Variants in SENP3 observed in about 807,000 individuals in gnomAD.
SENP3 encodes the protein SUMO specific peptidase 3, also known as sentrin-specific protease 3.
In SENP3, 11 loss-of-function variants were observed where a neutral mutation model predicts 66.2. That is an observed-to-expected ratio of 0.17 (90% CI 0.10 to 0.28). The LOEUF is 0.28. SENP3 is among the 10% of genes least tolerant of loss of function. The pLI is 1.00. For synonymous variants in SENP3, 292 were observed against 277.6 expected, an observed-to-expected ratio of 1.05 and a Z score of -0.52; for missense variants, 548 against 743.7, an observed-to-expected ratio of 0.74 and a Z score of 3.06.
chr17:7,562,942 T>A lies in SENP3; in HGVS notation c.-11-124T>A. The stretch of plus-strand genomic sequence containing the variant: ...AACCGGGAAGATCTTAAGTTAGGAG[T>A]TTTGCGTTTTTTCCTCTTTTCTTTA... On this transcript the variant is annotated intron_variant, in intron 1 of 10. Coordinates refer to ENST00000321337, the MANE Select transcript of SENP3 (RefSeq NM_015670.6). This position sits in a 1 kb window ranked among gnomAD's most constrained non-coding sequence, Gnocchi z 5.0. The A allele has an allele frequency of 7.8e-7, 1 of 1,289,866 alleles. No homozygotes were observed. The highest frequency in any genetic ancestry group is 9.8e-7 in the Non-Finnish European group (1 of 1,017,780). 79.9% of individuals were successfully genotyped at this position (1,289,866 alleles called of 1,614,324 possible). A position where few individuals can be genotyped will look rare whatever the true frequency, so the allele number is the denominator to read the frequency against.
At chr17:7,563,821 G>A (rs765126667) in intron 2 of SENP3, 30 bp downstream of exon 2, 9 of 1,458,278 alleles carry the variant, frequency 6.2e-6, no homozygotes, top group South Asian at 2.5e-5. Flanking sequence ...TGGGGTTGCG[G>A]GGGAGGGGTT....
rs1460286916 is a variant in SENP3 at position 7,570,718 on chromosome 17, A to C, written c.1517A>C (p.Lys506Thr). Residue 506 changes from lysine to threonine, a missense_variant, in exon 9 of 11, where the codon AAA (lysine) becomes ACA (threonine). Transcript: ENST00000321337. The surrounding 1 kb of genome is among the most constrained non-coding windows in gnomAD (Gnocchi z 5.4). The stretch of plus-strand genomic sequence containing the variant: ...TATCTACAGGCAGAGGCGGTAAAGA[A>C]AGACCGACTGGATTTCCACCAGGGC... ...AKYLQAEAVK[K>T]DRLDFHQGWK... 4.3e-6 allele frequency: 7 copies of C among 1,613,042 alleles called. No individual in the cohort carries two copies. The highest frequency in any genetic ancestry group is 5.1e-6 in the Non-Finnish European group (6 of 1,179,516).
rs1264549965 is a variant in SENP3 at position 7,562,889 on chromosome 17, C to T, written c.-11-177C>T. Among the ~76,000 whole-genome samples the T allele has an allele frequency of 6.6e-6, 1 of 152,192 alleles. No homozygotes were observed. Among genetic ancestry groups the T allele is most frequent in the African/African-American group, 2.4e-5 (1 of 41,448 alleles). On this transcript the variant is annotated intron_variant, in intron 1 of 10. Transcript: ENST00000321337. This position sits in a 1 kb window ranked among gnomAD's most constrained non-coding sequence, Gnocchi z 5.0. ...GACTGGGGAGAGATGATGGCACAGA[C>T]CCTGAAGGGCCCCTTGTGGACCGCG...
chr17:7,570,863 G>T lies in SENP3; in HGVS notation c.1564-20G>T. On this transcript the variant is annotated intron_variant, in intron 9 of 10. Coordinates refer to ENST00000321337, the MANE Select transcript of SENP3 (RefSeq NM_015670.6). This position sits in a 1 kb window ranked among gnomAD's most constrained non-coding sequence, Gnocchi z 5.4. ...CTGGGAGTCTCCATGTGAAGGGCCT[G>T]CTTTCTTTCTCTTCTCTAGAATGTG... 10 of 1,611,936 alleles carry T rather than the reference G, an allele frequency of 6.2e-6. No individual in the cohort carries two copies. The highest frequency in any genetic ancestry group is 5.9e-6 in the Non-Finnish European group (7 of 1,178,876).
rs1230000684 is a variant in SENP3, at chr17:7,570,369, A to G, written c.1355A>G (p.Asn452Ser). Residue 452 changes from asparagine (N) to serine (S), a missense_variant, in exon 8 of 11, where the codon AAT becomes AGT. This residue lies in a region of SENP3 where 4 missense variants were observed against 34.9 expected (regional missense o/e 0.11). Transcript: ENST00000321337. The surrounding 1 kb of genome is among the most constrained non-coding windows in gnomAD (Gnocchi z 5.4). The stretch of plus-strand genomic sequence containing the variant: ...CTATCTCTTTAGGTGGACATCTTCA[A>G]TAAGGAGCTACTGCTAATCCCCATC... ...KRWTKNVDIF[N>S]KELLLIPIHL... 4 of 1,613,578 alleles carry G rather than the reference A, an allele frequency of 2.5e-6. No individual in the cohort carries two copies. Among genetic ancestry groups the G allele is most frequent in the Non-Finnish European group, 3.4e-6 (4 of 1,179,574 alleles).
chr17:7,565,686 C>T (rs2071261950), intron 5 of SENP3, 31 bp from the exon 6 acceptor site: 1 of 1,613,820 alleles, frequency 6.2e-7, no homozygotes, highest in Admixed American at 1.7e-5. Flanking sequence ...CCGCACCCTC[C>T]ATGGCAAGCT....
chr17:7,562,925 A>C lies in SENP3; in HGVS notation c.-11-141A>C. The C allele has an allele frequency of 4.0e-6, 5 of 1,256,336 alleles. No homozygotes were observed. Among genetic ancestry groups the C allele is most frequent in the African/African-American group, 1.6e-5 (1 of 64,160 alleles). 77.8% of individuals were successfully genotyped at this position (1,256,336 alleles called of 1,614,324 possible). A position where few individuals can be genotyped will look rare whatever the true frequency, so the allele number is the denominator to read the frequency against. On this transcript the variant is annotated intron_variant, in intron 1 of 10. Coordinates refer to ENST00000321337, the MANE Select transcript of SENP3 (RefSeq NM_015670.6). This position sits in a 1 kb window ranked among gnomAD's most constrained non-coding sequence, Gnocchi z 5.0. ...CCCTTGTGGACCGCGTTAACCGGGA[A>C]GATCTTAAGTTAGGAGTTTTGCGTT...
chr17:7,566,784 A>G, intron 6 of SENP3, 143 bp from the exon 7 acceptor site: 1 of 656,208 alleles, frequency 1.5e-6, no homozygotes, highest in Non-Finnish European at 2.7e-6. Context: ...AACCTGGGCA[A>G]CATAGTGAGA....
At chr17:7,565,197 T>G in intron 4 of SENP3, 127 bp downstream of exon 4, 3 of 829,854 alleles carry the variant, frequency 3.6e-6, no homozygotes, top group Non-Finnish European at 5.7e-6. Flanking sequence ...GGGAGGACTC[T>G]GCAGGCAGGT....
chr17:7,563,497 A>G lies in SENP3; in HGVS notation c.421A>G (p.Ser141Gly), dbSNP rs2071240677. 1 of 1,550,578 alleles carries G rather than the reference A, an allele frequency of 6.4e-7. No homozygotes were observed. ...RAFRMLLYSK[S>G]TSLTFHWKLW... The stretch of plus-strand genomic sequence containing the variant: ...CTTCCGGATGCTGCTCTACTCAAAA[A>G]GCACCTCGCTGACATTCCACTGGAA... The change falls in exon 2 of 11, where the codon AGC becomes GGC. Residue 141 changes from serine to glycine, a missense_variant. Ser to Gly is a moderately conservative substitution (Grantham distance 56). Coordinates refer to ENST00000321337, the MANE Select transcript of SENP3 (RefSeq NM_015670.6).
At chr17:7,564,153 C>G (rs923600515) in intron 2 of SENP3, among the ~76,000 whole-genome samples, 7 of 152,176 alleles carry the variant, frequency 4.6e-5, no homozygotes, top group African/African-American at 1.7e-4. Flanking sequence ...CAGAGGGTAC[C>G]ATTCCCAAAG....
Position 7,563,811 on chromosome 17 carries a change from T to A in SENP3, c.715+20T>A. Reference sequence around the variant, plus strand: ...ACTCGGGTAAGGTGGGAAAGGGGTGTGGGGTTGCGGGGGAGGGGTTAGGGA... The same window carrying A: ...ACTCGGGTAAGGTGGGAAAGGGGTGAGGGGTTGCGGGGGAGGGGTTAGGGA... On this transcript the variant is annotated intron_variant, in intron 2 of 10. Transcript: ENST00000321337. 1 of 970,806 alleles carries A rather than the reference T, an allele frequency of 1.0e-6. No homozygotes were observed. Among genetic ancestry groups the A allele is most frequent in the Non-Finnish European group, 1.5e-6 (1 of 663,432 alleles). The allele number at this position is 970,806 out of a possible 1,614,324, so 60.1% of individuals were successfully genotyped here.
chr17:7,563,254 G>C lies in SENP3; in HGVS notation c.178G>C (p.Ala60Pro). The C allele has an allele frequency of 1.3e-6, 2 of 1,558,010 alleles. No individual in the cohort carries two copies. Among genetic ancestry groups the C allele is most frequent in the Non-Finnish European group, 1.7e-6 (2 of 1,150,656 alleles). ...TCCTGGGTCAGGGACCACAGTGCCA[G>C]CCAGACGCCTCCCTGTCCCCCGACC... ...PDPGSGTTVPARRLPVPRPSF... is the reference protein window; with the variant it reads ...PDPGSGTTVPPRRLPVPRPSF... The change falls in exon 2 of 11, where the codon GCC becomes CCC. Residue 60 changes from alanine to proline, a missense_variant. By Grantham distance (27) the Ala-to-Pro change is conservative. Around this residue, in one of 6 missense-constraint regions of SENP3, gnomAD observed 164 missense variants for 167.9 expected, o/e 0.98. Transcript: ENST00000321337.
chr17:7,562,118 GA>G lies in SENP3; in HGVS notation c.-155del, dbSNP rs1383655965. 1 of 399,122 alleles carries G rather than the reference GA, an allele frequency of 2.5e-6. No individual in the cohort carries two copies. Among genetic ancestry groups the G allele is most frequent in the East Asian group, 3.6e-5 (1 of 28,112 alleles). The allele number at this position is 399,122 out of a possible 1,614,324, so 24.7% of individuals were successfully genotyped here. On this transcript the variant is annotated 5_prime_UTR_variant, in exon 1 of 11. Transcript: ENST00000321337. The surrounding 1 kb of genome is among the most constrained non-coding windows in gnomAD (Gnocchi z 5.0). Reference sequence around the variant, plus strand: ...GCTCGGCGGCGCGGCACGCGGCCCAGAAGCGTTGGAATCCTGAATTGAGACG... The same window carrying G: ...GCTCGGCGGCGCGGCACGCGGCCCAGAGCGTTGGAATCCTGAATTGAGACG...
rs748375757 is a variant in SENP3 at position 7,563,549 on chromosome 17, G to A, written c.473G>A (p.Arg158Gln). The change falls in exon 2 of 11, where the codon CGG becomes CAG. Residue 158 changes from arginine (R) to glutamine (Q), a missense_variant. By Grantham distance (43) the Arg-to-Gln change is conservative. Transcript: ENST00000321337. ...CTTTGGGGGCGCCACCGGGGCCGGC[G>A]GCGGGGCCTCGCACACCCCAAGAAC... ...WKLWGRHRGR[R>Q]RGLAHPKNHL... The A allele has an allele frequency of 7.7e-6, 12 of 1,549,954 alleles. No homozygotes were observed. The highest frequency in any genetic ancestry group is 3.6e-5 in the South Asian group (3 of 84,208).
chr17:7,563,563 C>A lies in SENP3; in HGVS notation c.487C>A (p.His163Asn), dbSNP rs2071241444. The change falls in exon 2 of 11, where the codon CAC (histidine) becomes AAC (asparagine). Residue 163 changes from histidine to asparagine, a missense_variant. His to Asn is a moderately conservative substitution (Grantham distance 68, BLOSUM62 1). Around this residue, in one of 6 missense-constraint regions of SENP3, gnomAD observed 215 missense variants for 230.7 expected, o/e 0.93. Transcript: ENST00000321337. Reference sequence around the variant, plus strand: ...CCGGGGCCGGCGGCGGGGCCTCGCACACCCCAAGAACCATCTTTCACCCCA... The same window carrying A: ...CCGGGGCCGGCGGCGGGGCCTCGCAAACCCCAAGAACCATCTTTCACCCCA... ...RHRGRRRGLA[H>N]PKNHLSPQQG... is the part of the protein sequence containing the mutation. The A allele has an allele frequency of 6.4e-7, 1 of 1,552,754 alleles. No homozygotes were observed. Among genetic ancestry groups the A allele is most frequent in the Admixed American group, 2.0e-5 (1 of 50,692 alleles).
At position 7,563,664 on chromosome 17, in the gene SENP3, G is replaced by A. The variant is rs1197417818; in HGVS notation, c.588G>A (p.Arg196=). The change falls in exon 2 of 11, where the codon CGG becomes CGA. Residue 196 remains arginine, a synonymous_variant. Coordinates refer to ENST00000321337, the MANE Select transcript of SENP3 (RefSeq NM_015670.6). ...FDSPRGPPPP[R]LGLLGALMAE... ...CCCCCCGGGGGCCACCTCCACCCCGGCTGGGTCTGCTAGGTGCTCTCATGG... is the reference window on the plus strand; with the variant it reads ...CCCCCCGGGGGCCACCTCCACCCCGACTGGGTCTGCTAGGTGCTCTCATGG... 5.0e-6 allele frequency: 8 copies of A among 1,611,536 alleles called. No homozygotes were observed. The highest frequency in any genetic ancestry group is 6.8e-6 in the Non-Finnish European group (8 of 1,179,160).
At chr17:7,569,503 C>T (rs2071295188) in intron 7 of SENP3, among the ~76,000 whole-genome samples, 1 of 151,756 alleles carries the variant, frequency 6.6e-6, no homozygotes, top group East Asian at 1.9e-4. Context: ...GGGAGAGGAA[C>T]AGGTTGGGGG....
chr17:7,562,692 C>A lies in SENP3; in HGVS notation c.-11-374C>A, dbSNP rs2071228714. Among the ~76,000 whole-genome samples, 1 of 152,156 alleles carries A rather than the reference C, an allele frequency of 6.6e-6. No individual in the cohort carries two copies. Among genetic ancestry groups the A allele is most frequent in the Non-Finnish European group, 1.5e-5 (1 of 68,032 alleles). Reference sequence around the variant, plus strand: ...TGCAAGTTGCATTCTCCTCAAGTACCACGGTTATCATGTCCCTGAGGAAAG... The same window carrying A: ...TGCAAGTTGCATTCTCCTCAAGTACAACGGTTATCATGTCCCTGAGGAAAG... On this transcript the variant is annotated intron_variant, in intron 1 of 10. Coordinates refer to ENST00000321337, the MANE Select transcript of SENP3 (RefSeq NM_015670.6). The surrounding 1 kb of genome is among the most constrained non-coding windows in gnomAD (Gnocchi z 5.0).
Sources: gnomAD v4.1 joint callset for allele counts (sites outside exome capture counted in the v4.1 genomes callset) on GRCh38, gnomAD v4.1.1 for gene constraint, gnomAD v4.1.1 regional missense constraint, Gnocchi (gnomAD v3.1) non-coding constraint, MANE v1.5 for transcripts, NCBI Gene and HGNC (gene_info 2026-07-23, HGNC 2026-07-21) for gene names.